ZBTB45: variants seen among roughly 807,000 people sequenced by gnomAD.
ZBTB45 encodes zinc finger and BTB domain-containing protein 45.
ZBTB45 carries 22 observed loss-of-function variants against 28.4 expected under a neutral mutation model. That is an observed-to-expected ratio of 0.77 (90% confidence interval 0.55 to 1.10). The LOEUF (loss-of-function observed/expected upper bound fraction) is 1.10. ZBTB45 is among the 50% of genes least tolerant of loss of function. The pLI is 0.00. For synonymous variants in ZBTB45, 361 were observed against 332.3 expected (o/e 1.09, Z -0.94); for missense variants, 656 against 750.2 (o/e 0.87, Z 1.47).
chr19:58,514,721 T>G (rs1345857826), intron 2 of ZBTB45, among the ~76,000 whole-genome samples: 1 of 152,102 alleles, frequency 6.6e-6, no homozygotes, highest in Non-Finnish European at 1.5e-5. Flanking sequence ...GACTGCCCAC[T>G]GGGATCTCCC....
At chr19:58,523,973 C>G (rs2053592023), upstream of ZBTB45, among the ~76,000 whole-genome samples, 1 of 141,068 alleles carries the variant, frequency 7.1e-6, no homozygotes. Context: ...ACTTGGGAGG[C>G]TGAAGCAGAA....
intron 1 of ZBTB45, among the ~76,000 whole-genome samples, chr19:58,538,504 G>C (rs2053673308): frequency 6.6e-6 from 1 of 152,124 alleles, no homozygotes. Context: ...AGATCTGGGG[G>C]GCCGCGCGCC....
At chr19:58,534,883 C>T (rs1381980592) in intron 1 of ZBTB45, among the ~76,000 whole-genome samples, 2 of 140,190 alleles carry the variant, frequency 1.4e-5, no homozygotes, top group South Asian at 4.6e-4. Flanking sequence ...AAGTTGGAGT[C>T]TCGCTCTGTC....
At chr19:58,524,679 C>A (rs1023071657), upstream of ZBTB45, among the ~76,000 whole-genome samples, 1 of 151,754 alleles carries the variant, frequency 6.6e-6, no homozygotes, top group Non-Finnish European at 1.5e-5. Flanking sequence ...GTCAGGAGAT[C>A]GAGACCATCC....
chr19:58,516,448 C>T lies in ZBTB45; in HGVS notation c.1226G>A (p.Arg409His), dbSNP rs201286708. ...GTTTTTCCGGGAGCTGAACGTCTTG[C>T]GACAGTGGCTGCACTCATACGTAGG... ...EPPTYECSHC[R>H]KTFSSRKNYT... The change falls in exon 2 of 3, where the codon CGC becomes CAC. Residue 409 changes from arginine (R) to histidine (H), a missense_variant. Transcript: ENST00000594051. This position sits in a 1 kb window ranked among gnomAD's most constrained non-coding sequence, Gnocchi z 6.2. 2.6e-4 allele frequency: 420 copies of T among 1,613,980 alleles called. No homozygotes were observed. The highest frequency in any genetic ancestry group is 6.6e-4 in the Middle Eastern group (4 of 6,056).
chr19:58,534,264 G>C (rs2053649034), intron 1 of ZBTB45, among the ~76,000 whole-genome samples: 1 of 152,210 alleles, frequency 6.6e-6, no homozygotes, highest in Admixed American at 6.5e-5. Context: ...TCCTTTTGGA[G>C]TAATGAAAAT....
At chr19:58,524,624 C>T (rs1256041065), upstream of ZBTB45, among the ~76,000 whole-genome samples, 2 of 151,980 alleles carry the variant, frequency 1.3e-5, no homozygotes, top group African/African-American at 4.8e-5. Context: ...TGGCTCACAC[C>T]TGTAATCCCA....
upstream of ZBTB45, among the ~76,000 whole-genome samples, chr19:58,523,905 A>AAT (rs1209207936): frequency 3.9e-3 from 39 of 9,876 alleles, no homozygotes; most frequent in Admixed American, 5.0e-3. Context: ...CATCTTTAAA[A>AAT]ATATATATAT....
At chr19:58,520,752 C>T (rs1242027970), upstream of ZBTB45, among the ~76,000 whole-genome samples, 4 of 152,088 alleles carry the variant, frequency 2.6e-5, no homozygotes, top group African/African-American at 4.8e-5. Flanking sequence ...GCAACAACAG[C>T]CAGCAAGAAA....
In ZBTB45 at chr19:58,516,916, C is replaced by T. The variant is rs754782480; in HGVS notation, c.758G>A (p.Cys253Tyr). 3 of 1,613,304 alleles carry T rather than the reference C, an allele frequency of 1.9e-6. No homozygotes were observed. The highest frequency in any genetic ancestry group is 2.5e-6 in the Non-Finnish European group (3 of 1,180,026). ...GFLTAAADSACEEPPAPTGLA... is the reference protein window; with the variant it reads ...GFLTAAADSAYEEPPAPTGLA... Reference sequence around the variant, plus strand: ...GCCAGTGGGTGCAGGGGGCTCCTCGCACGCGCTGTCAGCAGCAGCAGTGAG... The same window carrying T: ...GCCAGTGGGTGCAGGGGGCTCCTCGTACGCGCTGTCAGCAGCAGCAGTGAG... The change falls in exon 2 of 3, where the codon TGC (cysteine) becomes TAC (tyrosine). Residue 253 changes from cysteine to tyrosine, a missense_variant. Around this residue, in one of 3 missense-constraint regions of ZBTB45, gnomAD observed 448 missense variants for 444.3 expected, o/e 1.01. Coordinates refer to ENST00000594051, the MANE Select transcript of ZBTB45 (RefSeq NM_001316979.2). This position sits in a 1 kb window ranked among gnomAD's most constrained non-coding sequence, Gnocchi z 6.2.
chr19:58,522,215 G>T (rs563395127), upstream of ZBTB45, among the ~76,000 whole-genome samples: 1 of 150,452 alleles, frequency 6.6e-6, no homozygotes, highest in Non-Finnish European at 1.5e-5. Context: ...AGGCTGGAGC[G>T]CAATGGCGCG....
upstream of ZBTB45, among the ~76,000 whole-genome samples, chr19:58,524,506 G>A (rs1419364022): frequency 6.7e-6 from 1 of 150,220 alleles, no homozygotes; most frequent in Non-Finnish European, 1.5e-5. Flanking sequence ...CTGGTTGTGG[G>A]GGCATTTCAA....
At chr19:58,524,523 A>C (rs1192457762), upstream of ZBTB45, among the ~76,000 whole-genome samples, 1 of 148,086 alleles carries the variant, frequency 6.8e-6, no homozygotes, top group Non-Finnish European at 1.5e-5. Flanking sequence ...TCAAGGAATA[A>C]ATGTGTACCT....
intron 1 of ZBTB45, among the ~76,000 whole-genome samples, chr19:58,537,060 T>C (rs2053663960): frequency 6.6e-6 from 1 of 152,126 alleles, no homozygotes; most frequent in African/African-American, 2.4e-5. Context: ...TGCCATATAC[T>C]TATGGACCTC....
chr19:58,533,928 G>A (rs1453617437), intron 1 of ZBTB45, among the ~76,000 whole-genome samples: 1 of 152,166 alleles, frequency 6.6e-6, no homozygotes, highest in Non-Finnish European at 1.5e-5. Context: ...AACAAGGGCC[G>A]GGGAGGAACT....
Position 58,516,478 on chromosome 19 carries a change from T to A in ZBTB45, c.1196A>T (p.Glu399Val). The A allele has an allele frequency of 6.2e-7, 1 of 1,613,832 alleles. No homozygotes were observed. Among genetic ancestry groups the A allele is most frequent in the South Asian group, 1.1e-5 (1 of 91,076 alleles). The change falls in exon 2 of 3, where the codon GAG (glutamate) becomes GTG (valine). Residue 399 changes from glutamate (E) to valine (V), a missense_variant. Coordinates refer to ENST00000594051, the MANE Select transcript of ZBTB45 (RefSeq NM_001316979.2). This position sits in a 1 kb window ranked among gnomAD's most constrained non-coding sequence, Gnocchi z 6.2. ...GTGGCTGCACTCATACGTAGGTGGCTCAGCACCTGGGGTGCGAGCAGGGGT... is the reference window on the plus strand; with the variant it reads ...GTGGCTGCACTCATACGTAGGTGGCACAGCACCTGGGGTGCGAGCAGGGGT... ...SGTPARTPGA[E>V]PPTYECSHCR...
intron 2 of ZBTB45, among the ~76,000 whole-genome samples, chr19:58,514,534 G>T (rs1015322389): frequency 6.6e-6 from 1 of 152,050 alleles, no homozygotes; most frequent in Non-Finnish European, 1.5e-5. Context: ...TTCACGTTGG[G>T]ACTTTCCTGC....
rs561062519 is a variant in ZBTB45 at position 58,517,909 on chromosome 19, A to G, written c.1-236T>C. On this transcript the variant is annotated intron_variant, in intron 1 of 2. Coordinates refer to ENST00000594051, the MANE Select transcript of ZBTB45 (RefSeq NM_001316979.2). ...GCCAGGCCGTCTACAGCCCCCCATTAACGCTGCAAACCCTAGCACACCCCT... is the reference window on the plus strand; with the variant it reads ...GCCAGGCCGTCTACAGCCCCCCATTGACGCTGCAAACCCTAGCACACCCCT... Among the ~76,000 whole-genome samples the G allele has an allele frequency of 3.4e-5, 5 of 147,916 alleles. No individual in the cohort carries two copies. In the South Asian group the frequency reaches 6.5e-4, roughly 19 times the overall value.
Position 58,516,546 on chromosome 19 carries a change from C to T in ZBTB45, c.1128G>A (p.Glu376=). The change falls in exon 2 of 3, where the codon GAG becomes GAA. Residue 376 remains glutamate (E), a synonymous_variant. Transcript: ENST00000594051. This position sits in a 1 kb window ranked among gnomAD's most constrained non-coding sequence, Gnocchi z 6.2. ...TGGGAGCAGCAGAGGGAGCCGGGAC[C>T]TCCCCCAGCTGAGTACTGGGGGCTG... ...PEAAPSTQLG[E]VPAPSAAPTT... The T allele has an allele frequency of 1.9e-6, 3 of 1,608,072 alleles. No individual in the cohort carries two copies. Among genetic ancestry groups the T allele is most frequent in the African/African-American group, 1.3e-5 (1 of 74,930 alleles).
Sources: gnomAD v4.1 joint callset for allele counts (sites outside exome capture counted in the v4.1 genomes callset) on GRCh38, gnomAD v4.1.1 for gene constraint, gnomAD v4.1.1 regional missense constraint, Gnocchi (gnomAD v3.1) non-coding constraint, MANE v1.5 for transcripts, NCBI Gene and HGNC (gene_info 2026-07-23, HGNC 2026-07-21) for gene names.